Variants in MBD5 observed in about 807,000 individuals in gnomAD.
MBD5 encodes the protein methyl-CpG-binding domain protein 5.
In MBD5, 13 loss-of-function variants were observed where a neutral mutation model predicts 117.3. The observed-to-expected ratio is 0.11, with a 90% CI of 0.07 to 0.18. The LOEUF is 0.18. Ranked by LOEUF, MBD5 falls within the 10% of genes least tolerant of loss-of-function variation. The pLI is 1.00. For synonymous variants in MBD5, 727 were observed against 766.4 expected (o/e 0.95, Z 0.85); for missense variants, 1,879 against 2,093.8 (o/e 0.90, Z 2.00).
chr2:148,245,168 T>A (rs1700307005), intron 3 of MBD5, among the ~76,000 whole-genome samples: 1 of 152,176 alleles, frequency 6.6e-6, no homozygotes, highest in East Asian at 1.9e-4. Flanking sequence ...GGAGGATGGC[T>A]TGAGCTTAGG....
At chr2:148,389,960 G>A (rs150595745) in intron 4 of MBD5, among the ~76,000 whole-genome samples, 21 of 151,932 alleles carry the variant, frequency 1.4e-4, no homozygotes, top group Admixed American at 1.3e-3. Flanking sequence ...TGTTTCTGTC[G>A]CATTTGCCTT....
intron 3 of MBD5, among the ~76,000 whole-genome samples, chr2:148,299,965 T>C (rs947229847): frequency 2.6e-5 from 4 of 152,226 alleles, no homozygotes; most frequent in African/African-American, 9.6e-5. Context: ...CTTTCACAGA[T>C]ATTTAACCAA....
chr2:148,505,563 G>A (rs946757829), intron 12 of MBD5, among the ~76,000 whole-genome samples: 14 of 152,090 alleles, frequency 9.2e-5, no homozygotes, highest in African/African-American at 2.2e-4. Flanking sequence ...CAATTTGAAG[G>A]TCACTGGTAA....
At position 148,235,899 on chromosome 2, in the gene MBD5, A is replaced by C. The variant is rs557465769; in HGVS notation, c.-680+2504A>C. Among the ~76,000 whole-genome samples the C allele has an allele frequency of 3.3e-5, 5 of 152,150 alleles. No individual in the cohort carries two copies. In the East Asian group the frequency reaches 9.7e-4, roughly 29 times the overall value. On this transcript the variant is annotated intron_variant, in intron 3 of 13. Transcript: ENST00000642680. Reference sequence around the variant, plus strand: ...CTGCTGCCTTGACTTCCTGGACTCAAGTGATTCTCCCACCTCAGCCTCCCG... The same window carrying C: ...CTGCTGCCTTGACTTCCTGGACTCACGTGATTCTCCCACCTCAGCCTCCCG...
At chr2:148,441,281 G>A (rs1002814936) in intron 4 of MBD5, among the ~76,000 whole-genome samples, 1 of 152,032 alleles carries the variant, frequency 6.6e-6, no homozygotes, top group African/African-American at 2.4e-5. Context: ...ACAGGCCCCA[G>A]TGTGTGATGT....
chr2:148,066,531 G>A (rs1695200257), intron 1 of MBD5, among the ~76,000 whole-genome samples: 1 of 146,742 alleles, frequency 6.8e-6, no homozygotes, highest in African/African-American at 2.5e-5. Flanking sequence ...GTGTCACCCA[G>A]GCTGGAGTGC....
intron 3 of MBD5, among the ~76,000 whole-genome samples, chr2:148,331,342 T>G (rs1261780358): frequency 6.6e-6 from 1 of 151,828 alleles, no homozygotes; most frequent in East Asian, 1.9e-4. Context: ...CTACCATCAG[T>G]TTCCAATCCC....
At chr2:148,473,212 C>T (rs960726552) in intron 8 of MBD5, among the ~76,000 whole-genome samples, 3 of 152,036 alleles carry the variant, frequency 2.0e-5, no homozygotes, top group African/African-American at 2.4e-5. Flanking sequence ...AGAATTTTTA[C>T]GTCAGTGCAG....
At chr2:148,204,103 GC>G (rs199974751) in intron 2 of MBD5, among the ~76,000 whole-genome samples, 3,162 of 152,240 alleles carry the variant, frequency 0.021, 42 homozygotes, top group Non-Finnish European at 0.028. Context: ...AATGAATAAA[GC>G]AATCACCTTT....
intron 1 of MBD5, among the ~76,000 whole-genome samples, chr2:148,118,112 A>G (rs1696681411): frequency 6.6e-6 from 1 of 151,722 alleles, no homozygotes; most frequent in Non-Finnish European, 1.5e-5. Flanking sequence ...AACTTATCAC[A>G]GTGCCAAGCT....
At chr2:148,125,636 A>G (rs1696871437) in intron 1 of MBD5, among the ~76,000 whole-genome samples, 2 of 152,166 alleles carry the variant, frequency 1.3e-5, no homozygotes, top group South Asian at 4.1e-4. Context: ...TTGGAAGTCT[A>G]TCTACAACCT....
At chr2:148,168,008 C>A (rs1698169882) in intron 1 of MBD5, among the ~76,000 whole-genome samples, 1 of 152,052 alleles carries the variant, frequency 6.6e-6, no homozygotes, top group South Asian at 2.1e-4. Flanking sequence ...AATCATGATA[C>A]CCTGTTAAGT....
At chr2:148,289,481 T>G (rs1266281876) in intron 3 of MBD5, among the ~76,000 whole-genome samples, 4 of 152,158 alleles carry the variant, frequency 2.6e-5, no homozygotes, top group Non-Finnish European at 4.4e-5. Context: ...AAACAACTAA[T>G]CAATGTATGT....
intron 1 of MBD5, chr2:148,044,781 C>A (rs1694468589): frequency 6.6e-6 from 1 of 151,976 alleles, no homozygotes; most frequent in Non-Finnish European, 1.5e-5. Context: ...TTCTGAGAAA[C>A]TACATGAAAA....
intron 2 of MBD5, chr2:148,196,147 T>C (rs1443045405): frequency 6.6e-6 from 1 of 152,210 alleles, no homozygotes; most frequent in African/African-American, 2.4e-5. Context: ...AAACTCATGT[T>C]TCTTAATCTT....
chr2:148,280,142 A>C (rs10174052), intron 3 of MBD5, among the ~76,000 whole-genome samples: 21,163 of 148,248 alleles, frequency 0.14, 2,021 homozygotes, highest in Non-Finnish European at 0.17. Flanking sequence ...AAAAAAAAAA[A>C]AAAAAAAACA....
chr2:148,149,352 G>T (rs1162368050), intron 1 of MBD5, among the ~76,000 whole-genome samples: 1 of 135,774 alleles, frequency 7.4e-6, no homozygotes, highest in South Asian at 2.6e-4. Flanking sequence ...TTGGACATTT[G>T]GGTTGGTTCC....
At chr2:148,027,692 C>G (rs1693937679) in intron 1 of MBD5, 1 of 152,198 alleles carries the variant, frequency 6.6e-6, no homozygotes, top group African/African-American at 2.4e-5. Flanking sequence ...CTAAATACTT[C>G]TGGTCCACAA....
chr2:148,315,330 A>C (rs986346255), intron 3 of MBD5, among the ~76,000 whole-genome samples: 1 of 152,206 alleles, frequency 6.6e-6, no homozygotes, highest in African/African-American at 2.4e-5. Flanking sequence ...CCACAAGCTC[A>C]ATATTTCCTT....
Sources: gnomAD v4.1 joint callset for allele counts (sites outside exome capture counted in the v4.1 genomes callset) on GRCh38, gnomAD v4.1.1 for gene constraint, MANE v1.5 for transcripts, NCBI Gene and HGNC (gene_info 2026-07-23, HGNC 2026-07-21) for gene names.